The following KIF6 variants were observed in gnomAD, a reference collection of about 807,000 sequenced individuals.
KIF6 encodes the protein kinesin family member 6.
KIF6 carries 106 observed loss-of-function variants against 112.7 expected under a neutral mutation model. The ratio of observed to expected loss-of-function variants is 0.94; its 90% CI spans 0.80 to 1.11. KIF6 has a LOEUF of 1.11. Among genes scored for constraint, KIF6 ranks in the 50% least tolerant of loss-of-function variants. The probability of loss-of-function intolerance (pLI) is 0.00; values close to 1 mark genes in which losing one functional copy is unlikely to be tolerated. For missense variants in KIF6, 929 were observed against 964.0 expected, an observed-to-expected ratio of 0.96 and a Z score of 0.48; for synonymous variants, 339 against 339.9, an observed-to-expected ratio of 1.00 and a Z score of 0.03.
At chr6:39,363,575 T>C (rs1264426572) in intron 16 of KIF6, among the ~76,000 whole-genome samples, 1 of 152,172 alleles carries the variant, frequency 6.6e-6, no homozygotes, top group Non-Finnish European at 1.5e-5. Flanking sequence ...TTTATTCTTC[T>C]AGGAGTCTCT....
chr6:39,651,437 G>C (rs901069301), intron 3 of KIF6, among the ~76,000 whole-genome samples: 12 of 152,316 alleles, frequency 7.9e-5, no homozygotes, highest in Admixed American at 7.2e-4. Flanking sequence ...GCTGCCGTCA[G>C]TGTGGTGGGT....
At chr6:39,619,823 A>C (rs767754887) in intron 5 of KIF6, among the ~76,000 whole-genome samples, 1 of 152,216 alleles carries the variant, frequency 6.6e-6, no homozygotes, top group Non-Finnish European at 1.5e-5. Context: ...TTGAGCATAA[A>C]TACGAAACAT....
At chr6:39,350,517 C>A (rs1764159483) in intron 19 of KIF6, among the ~76,000 whole-genome samples, 1 of 152,156 alleles carries the variant, frequency 6.6e-6, no homozygotes, top group South Asian at 2.1e-4. Flanking sequence ...TATTTTGCAC[C>A]TGGCCCAGGA....
At chr6:39,508,940 C>T (rs1460992269) in intron 13 of KIF6, among the ~76,000 whole-genome samples, 1 of 152,186 alleles carries the variant, frequency 6.6e-6, no homozygotes. Context: ...TCCCTGACCC[C>T]TGTGTAGCCT....
intron 9 of KIF6, among the ~76,000 whole-genome samples, chr6:39,584,417 T>TAAAAAAAAAAAAAA (rs61215070): frequency 2.2e-5 from 1 of 46,064 alleles, no homozygotes; most frequent in Admixed American, 3.1e-4. Context: ...ACTCTGTCTC[T>TAAAAAAAAAAAAAA]AAAAAAAAAA....
chr6:39,609,863 G>C (rs1446761644), intron 6 of KIF6, among the ~76,000 whole-genome samples: 1 of 152,120 alleles, frequency 6.6e-6, no homozygotes, highest in Non-Finnish European at 1.5e-5. Flanking sequence ...ACATTCCTGG[G>C]CTCCACATGG....
At chr6:39,548,669 C>A (rs1328911226) in intron 10 of KIF6, among the ~76,000 whole-genome samples, 1 of 152,182 alleles carries the variant, frequency 6.6e-6, no homozygotes, top group Non-Finnish European at 1.5e-5. Context: ...TGAGAGTGAA[C>A]AAATGAACCC....
At chr6:39,507,648 C>CT (rs1489800543) in intron 13 of KIF6, among the ~76,000 whole-genome samples, 1 of 122,120 alleles carries the variant, frequency 8.2e-6, no homozygotes, top group Non-Finnish European at 1.7e-5. Flanking sequence ...CCCTTCCTTC[C>CT]TTCCTTCCTT....
intron 10 of KIF6, among the ~76,000 whole-genome samples, chr6:39,574,582 T>C (rs1027532604): frequency 6.6e-6 from 1 of 152,224 alleles, no homozygotes; most frequent in African/African-American, 2.4e-5. Flanking sequence ...CTCTGGTAAC[T>C]TTCATGATTC....
intron 10 of KIF6, among the ~76,000 whole-genome samples, chr6:39,563,506 T>C (rs1780121173): frequency 6.6e-6 from 1 of 152,214 alleles, no homozygotes; most frequent in African/African-American, 2.4e-5. Flanking sequence ...AGATAATATA[T>C]GCATATTATT....
chr6:39,617,514 T>C (rs1048895415), intron 5 of KIF6, among the ~76,000 whole-genome samples: 1 of 152,218 alleles, frequency 6.6e-6, no homozygotes, highest in Non-Finnish European at 1.5e-5. Flanking sequence ...TTCTATTTTT[T>C]ATCTATTTGC....
At chr6:39,530,190 T>C (rs113308650) in intron 13 of KIF6, among the ~76,000 whole-genome samples, 3,709 of 152,302 alleles carry the variant, frequency 0.024, 66 homozygotes, top group Non-Finnish European at 0.033. Context: ...CAAATTCTCA[T>C]TGAGGAGGAG....
intron 16 of KIF6, among the ~76,000 whole-genome samples, chr6:39,371,487 ATGGCT>A: frequency 6.6e-6 from 1 of 152,294 alleles, no homozygotes. Flanking sequence ...AGCTGGACAC[ATGGCT>A]TGACTGAAGG....
At chr6:39,487,963 C>T (rs1421327537) in intron 13 of KIF6, among the ~76,000 whole-genome samples, 1 of 122,224 alleles carries the variant, frequency 8.2e-6, no homozygotes, top group Admixed American at 8.2e-5. Context: ...GTCAGGGCAC[C>T]TCAAACTATA....
At chr6:39,537,704 T>C (rs1423736147) in intron 13 of KIF6, among the ~76,000 whole-genome samples, 28 of 152,106 alleles carry the variant, frequency 1.8e-4, no homozygotes, top group Non-Finnish European at 4.4e-5. Context: ...TTCACAGAAT[T>C]GGAAAAAACT....
chr6:39,690,316 T>C (rs1220888556), intron 3 of KIF6: 1 of 152,114 alleles, frequency 6.6e-6, no homozygotes, highest in African/African-American at 2.4e-5. Flanking sequence ...TCAATGGCAC[T>C]AGGGAAATAG....
chr6:39,369,432 A>C (rs1765803732), intron 16 of KIF6, among the ~76,000 whole-genome samples: 1 of 152,122 alleles, frequency 6.6e-6, no homozygotes, highest in Non-Finnish European at 1.5e-5. Flanking sequence ...AGAGCAGGGC[A>C]CTCTGTGAGA....
intron 19 of KIF6, 134 bp from the exon 20 acceptor site, chr6:39,346,660 T>A (rs1330718961): frequency 1.8e-6 from 1 of 547,070 alleles, no homozygotes; most frequent in Non-Finnish European, 3.2e-6. Context: ...TTTTTCTTTT[T>A]TTTTGAGATG....
At chr6:39,570,332 A>G (rs181179829) in intron 10 of KIF6, among the ~76,000 whole-genome samples, 7 of 152,230 alleles carry the variant, frequency 4.6e-5, no homozygotes, top group Admixed American at 1.3e-4. Context: ...AGAGGAATTC[A>G]GTTTGGGGCA....
Sources: gnomAD v4.1 joint callset for allele counts (sites outside exome capture counted in the v4.1 genomes callset) on GRCh38, gnomAD v4.1.1 for gene constraint, MANE v1.5 for transcripts, NCBI Gene and HGNC (gene_info 2026-07-23, HGNC 2026-07-21) for gene names.